Variants in RUNDC3B observed in about 807,000 individuals in gnomAD.
RUNDC3B encodes RUN domain-containing protein 3B.
In RUNDC3B, 33 loss-of-function variants were observed where a neutral mutation model predicts 58.4. The observed-to-expected ratio is 0.56, with a 90% confidence interval of 0.43 to 0.75. The LOEUF is 0.75. RUNDC3B is among the 30% of genes least tolerant of loss of function. RUNDC3B has a pLI of 0.00. For missense variants in RUNDC3B, 501 were observed against 535.7 expected (o/e 0.94, Z 0.64); for synonymous variants, 193 against 195.2 (o/e 0.99, Z 0.10).
chr7:87,711,688 T>C (rs985937340), intron 4 of RUNDC3B, among the ~76,000 whole-genome samples: 3 of 152,226 alleles, frequency 2.0e-5, no homozygotes, highest in African/African-American at 7.2e-5. Context: ...TAATTAATAT[T>C]ACATAAAATT....
chr7:87,665,127 G>A (rs1825098125), intron 2 of RUNDC3B, among the ~76,000 whole-genome samples: 1 of 151,916 alleles, frequency 6.6e-6, no homozygotes, highest in Non-Finnish European at 1.5e-5. Flanking sequence ...ATAAATAAAA[G>A]GTATCCAAGT....
At chr7:87,730,713 A>G (rs1235788095) in intron 4 of RUNDC3B, among the ~76,000 whole-genome samples, 2 of 151,850 alleles carry the variant, frequency 1.3e-5, no homozygotes, top group Non-Finnish European at 2.9e-5. Context: ...GCCTTGAGAA[A>G]ACATAAGTGG....
chr7:87,628,584 C>CGTGTGTGTGTGTGTGTGTGTGT lies in RUNDC3B; in HGVS notation c.-220_-199dup, dbSNP rs71117546. On this transcript the variant is annotated 5_prime_UTR_variant, in exon 1 of 11. Coordinates refer to ENST00000394654, the MANE Select transcript of RUNDC3B (RefSeq NM_001134405.2). ...CGAGGGCGGAGGTGGTGCGTGCGTG[C>CGTGTGTGTGTGTGTGTGTGTGT]GTGTGTGTGTGTGTGTGTGTGTGTG... is the stretch of plus-strand genomic sequence containing the variant. The CGTGTGTGTGTGTGTGTGTGTGT allele has an allele frequency of 3.6e-6, 1 of 278,404 alleles. No individual in the cohort carries two copies. Among genetic ancestry groups the CGTGTGTGTGTGTGTGTGTGTGT allele is most frequent in the East Asian group, 5.8e-5 (1 of 17,306 alleles). 17.2% of individuals were successfully genotyped at this position (278,404 alleles called of 1,614,324 possible).
intron 1 of RUNDC3B, among the ~76,000 whole-genome samples, chr7:87,645,634 A>G (rs1352511662): frequency 1.3e-5 from 2 of 152,194 alleles, no homozygotes; most frequent in Non-Finnish European, 2.9e-5. Flanking sequence ...CAGATGACTA[A>G]TATTAATGTC....
At chr7:87,730,352 T>G (rs1270444715) in intron 4 of RUNDC3B, among the ~76,000 whole-genome samples, 1 of 152,120 alleles carries the variant, frequency 6.6e-6, no homozygotes, top group African/African-American at 2.4e-5. Flanking sequence ...GAGAGCCTGC[T>G]GACCTGAAGA....
chr7:87,728,352 T>C (rs1236938064), intron 4 of RUNDC3B, among the ~76,000 whole-genome samples: 2 of 152,210 alleles, frequency 1.3e-5, no homozygotes, highest in Non-Finnish European at 2.9e-5. Context: ...TTCGGATGTC[T>C]TTCTCCATCT....
intron 4 of RUNDC3B, among the ~76,000 whole-genome samples, chr7:87,721,170 C>G (rs184629760): frequency 6.6e-6 from 1 of 150,948 alleles, no homozygotes; most frequent in East Asian, 1.9e-4. Flanking sequence ...TAATATGTAG[C>G]AGGCTATTTT....
In RUNDC3B at chr7:87,650,306, G is replaced by T. The variant is rs1012062934; in HGVS notation, c.123-516G>T. 6.6e-5 allele frequency among the ~76,000 whole-genome samples: 10 copies of T among 152,198 alleles called. No individual in the cohort carries two copies. The South Asian group carries it at 2.1e-3, about 32-fold the overall frequency. Reference sequence around the variant, plus strand: ...GCTTTAACAAATTGTCTTAAACCAGGTAATTTATAAACAACAGAAATTTAT... The same window carrying T: ...GCTTTAACAAATTGTCTTAAACCAGTTAATTTATAAACAACAGAAATTTAT... On this transcript the variant is annotated intron_variant, in intron 1 of 10. Coordinates refer to ENST00000394654, the MANE Select transcript of RUNDC3B (RefSeq NM_001134405.2).
At chr7:87,707,971 G>T (rs908484809) in intron 3 of RUNDC3B, among the ~76,000 whole-genome samples, 7 of 151,952 alleles carry the variant, frequency 4.6e-5, no homozygotes, top group Non-Finnish European at 8.8e-5. Flanking sequence ...AAAAATATTT[G>T]GAAAGTACTG....
chr7:87,632,991 G>A (rs1821382646), intron 1 of RUNDC3B, among the ~76,000 whole-genome samples: 1 of 152,158 alleles, frequency 6.6e-6, no homozygotes. Flanking sequence ...GCACGGTGGA[G>A]ACAAGTGATG....
chr7:87,689,166 A>T (rs983696559), intron 2 of RUNDC3B, among the ~76,000 whole-genome samples: 2 of 152,090 alleles, frequency 1.3e-5, no homozygotes, highest in African/African-American at 4.8e-5. Flanking sequence ...TTATTGATAA[A>T]ATTATCTGAG....
chr7:87,700,746 A>G (rs565848751), intron 3 of RUNDC3B, among the ~76,000 whole-genome samples, 192 bp downstream of exon 3: 1 of 152,218 alleles, frequency 6.6e-6, no homozygotes, highest in Non-Finnish European at 1.5e-5. Flanking sequence ...GTTCAGCAGA[A>G]CCCTGAAGAT....
At chr7:87,665,308 A>C (rs1318382603) in intron 2 of RUNDC3B, among the ~76,000 whole-genome samples, 1 of 152,144 alleles carries the variant, frequency 6.6e-6, no homozygotes, top group Non-Finnish European at 1.5e-5. Context: ...GAACTATCCA[A>C]AAATAGAAAT....
chr7:87,813,726 T>C (rs1836855654), intron 9 of RUNDC3B, among the ~76,000 whole-genome samples: 1 of 152,082 alleles, frequency 6.6e-6, no homozygotes, highest in Admixed American at 6.5e-5. Flanking sequence ...ACACCTGTAA[T>C]CCCAGCACTT....
At chr7:87,697,700 G>A (rs1012312003) in intron 2 of RUNDC3B, among the ~76,000 whole-genome samples, 1 of 152,146 alleles carries the variant, frequency 6.6e-6, no homozygotes, top group Non-Finnish European at 1.5e-5. Context: ...GTATGCACTA[G>A]ACTCTTTGCT....
At chr7:87,738,637 A>G (rs1207972487) in intron 4 of RUNDC3B, among the ~76,000 whole-genome samples, 1 of 152,000 alleles carries the variant, frequency 6.6e-6, no homozygotes, top group Non-Finnish European at 1.5e-5. Flanking sequence ...AAGATATAGG[A>G]CTTAAAGAAG....
At chr7:87,719,367 C>G (rs1830734924) in intron 4 of RUNDC3B, among the ~76,000 whole-genome samples, 1 of 151,444 alleles carries the variant, frequency 6.6e-6, no homozygotes. Context: ...AGTTTCTTTA[C>G]ATAATTAGAC....
At chr7:87,802,140 C>T (rs1836197298) in intron 8 of RUNDC3B, among the ~76,000 whole-genome samples, 1 of 152,090 alleles carries the variant, frequency 6.6e-6, no homozygotes. Context: ...ACCTGTAATC[C>T]CAGCACTTTG....
chr7:87,736,876 TATATATATATATA>T lies in RUNDC3B; in HGVS notation c.459-2914_459-2902del, dbSNP rs1377402269. 6.9e-3 allele frequency among the ~76,000 whole-genome samples: 256 copies of T among 36,850 alleles called. 1 individual carries two copies. Among genetic ancestry groups the T allele is most frequent in the African/African-American group, 0.028 (231 of 8,204 alleles). 24.2% of individuals were successfully genotyped at this position (36,850 alleles called of 152,430 possible). On this transcript the variant is annotated intron_variant, in intron 4 of 10. Transcript: ENST00000394654. ...ATACCTATATATATATATATATATATATATATATATATATTTTTTTTTTTTTTTTTTTTTTTTT... is the reference window on the plus strand; with the variant it reads ...ATACCTATATATATATATATATATATTTTTTTTTTTTTTTTTTTTTTTTTT...
Sources: gnomAD v4.1 joint callset for allele counts (sites outside exome capture counted in the v4.1 genomes callset) on GRCh38, gnomAD v4.1.1 for gene constraint, MANE v1.5 for transcripts, NCBI Gene and HGNC (gene_info 2026-07-23, HGNC 2026-07-21) for gene names.